The following PRKN variants were observed in gnomAD, a reference collection of about 807,000 sequenced individuals.
PRKN encodes the protein parkin RBR E3 ubiquitin protein ligase.
A neutral mutation model predicts 59.5 loss-of-function variants in PRKN; 56 were observed. The ratio of observed to expected loss-of-function variants is 0.94; its 90% CI spans 0.76 to 1.18. The LOEUF (loss-of-function observed/expected upper bound fraction) is 1.18. Ranked by LOEUF, PRKN falls within the 50% of genes most tolerant of loss-of-function variation. The probability of loss-of-function intolerance (pLI) is 0.00; values close to 1 mark genes in which losing one functional copy is unlikely to be tolerated. For missense variants in PRKN, 657 were observed against 596.4 expected, an observed-to-expected ratio of 1.10 and a Z score of -1.06; for synonymous variants, 250 against 222.1, an observed-to-expected ratio of 1.13 and a Z score of -1.12.
intron 7 of PRKN, among the ~76,000 whole-genome samples, chr6:161,656,241 C>T (rs1203805709): frequency 6.6e-6 from 1 of 152,204 alleles, no homozygotes; most frequent in Non-Finnish European, 1.5e-5. Flanking sequence ...GCGCTCGGGC[C>T]CCTGCTGCAT....
At chr6:161,587,143 A>G (rs1490672634) in intron 7 of PRKN, among the ~76,000 whole-genome samples, 2 of 152,222 alleles carry the variant, frequency 1.3e-5, no homozygotes, top group African/African-American at 2.4e-5. Flanking sequence ...AAAATTGGTT[A>G]CCACTTAAAG....
chr6:161,717,655 T>C lies in PRKN; in HGVS notation c.871+68117A>G, dbSNP rs143877733. Among the ~76,000 whole-genome samples, 308 of 152,346 alleles carry C rather than the reference T, an allele frequency of 2.0e-3. 1 individual carries two copies. Among genetic ancestry groups the C allele is most frequent in the Non-Finnish European group, 2.6e-3 (175 of 68,030 alleles). On this transcript the variant is annotated intron_variant, in intron 7 of 11. Coordinates refer to ENST00000366898, the MANE Select transcript of PRKN (RefSeq NM_004562.3). Reference sequence around the variant, plus strand: ...TCATATCTTCTGGTCAGCAAATCAATATTAGTATTTGTATCAATCATAACA... The same window carrying C: ...TCATATCTTCTGGTCAGCAAATCAACATTAGTATTTGTATCAATCATAACA...
chr6:162,465,231 A>G (rs1458998251), intron 1 of PRKN, among the ~76,000 whole-genome samples: 1 of 152,238 alleles, frequency 6.6e-6, no homozygotes, highest in Non-Finnish European at 1.5e-5. Context: ...GAAGGCGGTT[A>G]GCTTATCTCT....
At position 162,039,645 on chromosome 6, in the gene PRKN, G is replaced by C. The variant is rs569214117; in HGVS notation, c.618+14446C>G. Among the ~76,000 whole-genome samples, 16 of 152,328 alleles carry C rather than the reference G, an allele frequency of 1.1e-4. 1 individual carries two copies. Among genetic ancestry groups the C allele is most frequent in the African/African-American group, 3.8e-4 (16 of 41,572 alleles). On this transcript the variant is annotated intron_variant, in intron 5 of 11. Transcript: ENST00000366898. Reference sequence around the variant, plus strand: ...CGCCATGCTTCTTGTACTGCCTGCAGGACTGTGAACTAGATAAGCCTCTTT... The same window carrying C: ...CGCCATGCTTCTTGTACTGCCTGCACGACTGTGAACTAGATAAGCCTCTTT...
At chr6:162,228,479 T>C (rs1778283450) in intron 3 of PRKN, among the ~76,000 whole-genome samples, 1 of 152,146 alleles carries the variant, frequency 6.6e-6, no homozygotes, top group African/African-American at 2.4e-5. Flanking sequence ...TGTATAAATG[T>C]GAATGCTCAT....
At chr6:161,878,807 A>G (rs537115171) in intron 6 of PRKN, among the ~76,000 whole-genome samples, 6 of 152,300 alleles carry the variant, frequency 3.9e-5, no homozygotes, top group Admixed American at 3.9e-4. Context: ...TGGTGCTCCT[A>G]CAAACATTCT....
chr6:162,239,029 G>A (rs1407850823), intron 3 of PRKN, among the ~76,000 whole-genome samples: 1 of 152,114 alleles, frequency 6.6e-6, no homozygotes, highest in East Asian at 1.9e-4. Context: ...TCCAACAAAT[G>A]ACCAGAGAAA....
At chr6:161,741,451 C>T (rs768170363) in intron 7 of PRKN, among the ~76,000 whole-genome samples, 7 of 152,128 alleles carry the variant, frequency 4.6e-5, no homozygotes, top group Admixed American at 6.6e-5. Context: ...ACGGGGAATC[C>T]GAGGATCAAA....
intron 1 of PRKN, among the ~76,000 whole-genome samples, chr6:162,524,231 T>C (rs1205568534): frequency 1.3e-5 from 2 of 152,224 alleles, no homozygotes; most frequent in African/African-American, 4.8e-5. Flanking sequence ...AATCAACATA[T>C]TTTATGCTAC....
intron 5 of PRKN, among the ~76,000 whole-genome samples, chr6:162,023,445 C>T (rs891266705): frequency 6.6e-6 from 1 of 152,084 alleles, no homozygotes; most frequent in Non-Finnish European, 1.5e-5. Context: ...CGGTTTTTCC[C>T]TGGAGTCGGG....
At chr6:162,619,348 A>G (rs999567191) in intron 1 of PRKN, among the ~76,000 whole-genome samples, 2 of 150,778 alleles carry the variant, frequency 1.3e-5, no homozygotes, top group Non-Finnish European at 2.9e-5. Flanking sequence ...GGGTTTCACC[A>G]TGTTGGCTAG....
chr6:161,476,946 G>A (rs1791113769), intron 9 of PRKN, among the ~76,000 whole-genome samples: 1 of 152,176 alleles, frequency 6.6e-6, no homozygotes, highest in Admixed American at 6.5e-5. Flanking sequence ...GAAATGGCTT[G>A]GACACAAACC....
chr6:161,482,556 C>T (rs1187673488), intron 9 of PRKN, among the ~76,000 whole-genome samples: 1 of 152,176 alleles, frequency 6.6e-6, no homozygotes, highest in Non-Finnish European at 1.5e-5. Flanking sequence ...ACTTTCTCTA[C>T]ATAATTTGGA....
intron 7 of PRKN, among the ~76,000 whole-genome samples, chr6:161,784,714 G>C (rs1790343792): frequency 3.3e-5 from 5 of 152,084 alleles, no homozygotes; most frequent in Admixed American, 3.3e-4. Context: ...GAACACAGTG[G>C]GCAGTTCTCC....
intron 3 of PRKN, among the ~76,000 whole-genome samples, chr6:162,242,081 A>T (rs1779011264): frequency 6.6e-6 from 1 of 152,200 alleles, no homozygotes. Context: ...TTAAAATAAG[A>T]AATTGCATAA....
At chr6:162,002,982 T>C (rs1440260808) in intron 5 of PRKN, among the ~76,000 whole-genome samples, 2 of 152,104 alleles carry the variant, frequency 1.3e-5, no homozygotes, top group Non-Finnish European at 2.9e-5. Context: ...GCAAATATTC[T>C]ATGATTTCTA....
At chr6:161,758,549 A>G (rs1789049769) in intron 7 of PRKN, among the ~76,000 whole-genome samples, 1 of 152,210 alleles carries the variant, frequency 6.6e-6, no homozygotes, top group Non-Finnish European at 1.5e-5. Context: ...CTTGGCAGGG[A>G]CACATGGGAG....
chr6:162,065,572 A>G (rs1422954127), intron 4 of PRKN, among the ~76,000 whole-genome samples: 4 of 151,252 alleles, frequency 2.6e-5, no homozygotes, highest in African/African-American at 9.7e-5. Flanking sequence ...TTTTTGGTCA[A>G]TTTTTAAAAA....
chr6:161,741,586 C>T (rs886323192), intron 7 of PRKN, among the ~76,000 whole-genome samples: 1 of 152,138 alleles, frequency 6.6e-6, no homozygotes, highest in Non-Finnish European at 1.5e-5. Flanking sequence ...CCCCACTGAC[C>T]TGGGAGAAAT....
Sources: allele counts gnomAD v4.1 joint callset (sites outside exome capture counted in the v4.1 genomes callset), GRCh38; gene constraint gnomAD v4.1.1; transcripts MANE v1.5; gene names NCBI Gene and HGNC (gene_info 2026-07-23, HGNC 2026-07-21).